The following KLF8 variants were observed in gnomAD, a reference collection of about 807,000 sequenced individuals.
KLF8 encodes the protein KLF transcription factor 8.
In KLF8, 10 loss-of-function variants were observed where a neutral mutation model predicts 18.2. That is an observed-to-expected ratio of 0.55 (90% CI 0.34 to 0.93). The LOEUF (loss-of-function observed/expected upper bound fraction) is 0.93. Ranked by LOEUF, KLF8 falls within the 40% of genes least tolerant of loss-of-function variation. The pLI, the probability that KLF8 is intolerant of heterozygous loss-of-function variation, is 0.02. For synonymous variants in KLF8, 109 were observed against 97.3 expected (o/e 1.12, Z -0.71); for missense variants, 264 against 277.9 (o/e 0.95, Z 0.36).
the KLF8 span, among the ~76,000 whole-genome samples, chrX:56,029,969 G>A: frequency 8.9e-6 from 1 of 112,003 alleles, no homozygotes; most frequent in Admixed American, 9.4e-5. Flanking sequence ...ATTCATTCCT[G>A]CAAAACCAGC....
the KLF8 span, among the ~76,000 whole-genome samples, chrX:56,213,918 G>A: frequency 9.0e-6 from 1 of 111,301 alleles, no homozygotes; most frequent in Non-Finnish European, 1.9e-5. Flanking sequence ...ACGAATTGAA[G>A]GATAGTAAAT....
At chrX:56,105,371 G>GA in the KLF8 span, among the ~76,000 whole-genome samples, 1 of 111,296 alleles carries the variant, frequency 9.0e-6, no homozygotes, top group African/African-American at 3.3e-5. Context: ...AGGTCTCTAA[G>GA]GACTTGCTTT....
the KLF8 span, among the ~76,000 whole-genome samples, chrX:56,035,086 A>T: frequency 9.0e-6 from 1 of 111,393 alleles, no homozygotes; most frequent in Non-Finnish European, 1.9e-5. Context: ...CTATAATTTT[A>T]TGTCCTTTAA....
chrX:56,062,962 T>C, the KLF8 span, among the ~76,000 whole-genome samples: 2 of 110,924 alleles, frequency 1.8e-5, no homozygotes, highest in Non-Finnish European at 3.8e-5. Context: ...ATTTGGCTAT[T>C]GATACTTGTG....
the KLF8 span, among the ~76,000 whole-genome samples, chrX:56,102,858 C>T: frequency 7.4e-5 from 8 of 108,002 alleles, no homozygotes; most frequent in Non-Finnish European, 1.3e-4. Flanking sequence ...CCCATTAACT[C>T]GTCATTTGCA....
chrX:56,281,285 C>A (rs2067197595), intron 5 of KLF8, among the ~76,000 whole-genome samples: 1 of 112,119 alleles, frequency 8.9e-6, no homozygotes, highest in African/African-American at 3.2e-5. Context: ...ATTCACTGCA[C>A]TGCCTTGCCA....
the KLF8 span, among the ~76,000 whole-genome samples, chrX:56,045,368 T>G: frequency 9.0e-6 from 1 of 111,728 alleles, no homozygotes; most frequent in East Asian, 2.8e-4. Context: ...TTGTCTTGCT[T>G]TGCCTATGAA....
the KLF8 span, among the ~76,000 whole-genome samples, chrX:56,224,854 G>A: frequency 9.0e-6 from 1 of 111,625 alleles, no homozygotes; most frequent in African/African-American, 3.3e-5. Context: ...CAATGTGCCA[G>A]CAGATTTGGT....
chrX:56,246,319 G>C (rs892172099), intron 1 of KLF8, among the ~76,000 whole-genome samples: 2 of 111,597 alleles, frequency 1.8e-5, no homozygotes, highest in Non-Finnish European at 3.8e-5. Flanking sequence ...TAGTGTATAG[G>C]AGATGCTCTG....
At chrX:56,024,683 G>C in the KLF8 span, among the ~76,000 whole-genome samples, 1 of 111,855 alleles carries the variant, frequency 8.9e-6, no homozygotes, top group South Asian at 3.7e-4. Context: ...GCATGCACCG[G>C]TAATCAGAGT....
the KLF8 span, among the ~76,000 whole-genome samples, chrX:55,981,793 A>G: frequency 9.0e-6 from 1 of 111,653 alleles, no homozygotes; most frequent in Non-Finnish European, 1.9e-5. Flanking sequence ...AACAATGACA[A>G]CAATGTATAC....
the KLF8 span, among the ~76,000 whole-genome samples, chrX:55,926,573 A>G: frequency 1.8e-5 from 2 of 111,112 alleles, no homozygotes; most frequent in Admixed American, 1.9e-4. Flanking sequence ...TGGGAATATG[A>G]TAATTTACTT....
At chrX:56,220,921 G>A in the KLF8 span, among the ~76,000 whole-genome samples, 2 of 112,534 alleles carry the variant, frequency 1.8e-5, no homozygotes, top group South Asian at 7.3e-4. Context: ...TCACAAATGT[G>A]TATTATACAA....
the KLF8 span, among the ~76,000 whole-genome samples, chrX:56,187,404 C>T: frequency 1.8e-5 from 2 of 111,526 alleles, no homozygotes; most frequent in African/African-American, 6.5e-5. Context: ...CAAAAAGAGT[C>T]CACGACCAGA....
chrX:56,103,583 G>T, the KLF8 span, among the ~76,000 whole-genome samples: 1 of 111,758 alleles, frequency 8.9e-6, no homozygotes, highest in East Asian at 2.8e-4. Context: ...CTTTGCTGAA[G>T]TTGCTTATCA....
the KLF8 span, among the ~76,000 whole-genome samples, chrX:55,930,712 C>T: frequency 8.9e-6 from 1 of 111,836 alleles, no homozygotes; most frequent in Admixed American, 9.5e-5. Flanking sequence ...GTTGAACCAG[C>T]CTTGCATCCC....
At chrX:56,109,987 C>T in the KLF8 span, among the ~76,000 whole-genome samples, 1 of 110,532 alleles carries the variant, frequency 9.0e-6, no homozygotes, top group Admixed American at 9.7e-5. Flanking sequence ...TCCCTGTGTC[C>T]ATGTGTTCTC....
At chrX:55,968,156 C>T in the KLF8 span, among the ~76,000 whole-genome samples, 1 of 110,382 alleles carries the variant, frequency 9.1e-6, no homozygotes, top group Non-Finnish European at 1.9e-5. Context: ...ATCACTTTCA[C>T]TAAAAGGAAG....
chrX:56,270,381 CGAGAGAGAGAGAGAGAGAGGGGCA>C, intron 5 of KLF8, 60 bp downstream of exon 5: 1 of 779,201 alleles, frequency 1.3e-6, no homozygotes, highest in East Asian at 4.4e-5. Flanking sequence ...CACACACACA[CGAGAGAGAGAGAGAGAGAGGGGCA>C]GAGAGAGAGA....
Sources: allele counts gnomAD v4.1 joint callset (sites outside exome capture counted in the v4.1 genomes callset), GRCh38; gene constraint gnomAD v4.1.1; transcripts MANE v1.5; gene names NCBI Gene and HGNC (gene_info 2026-07-23, HGNC 2026-07-21).